Variants in NFKB1 observed in about 807,000 individuals in gnomAD.
The protein encoded by NFKB1 is nuclear factor kappa B subunit 1.
NFKB1 carries 9 observed loss-of-function variants against 105.1 expected under a neutral mutation model. The ratio of observed to expected loss-of-function variants is 0.09; its 90% CI spans 0.05 to 0.15. NFKB1 has a LOEUF of 0.15. NFKB1 is among the 10% of genes least tolerant of loss of function. The pLI is 1.00. For synonymous variants in NFKB1, 440 were observed against 442.2 expected (o/e 1.00, Z 0.06); for missense variants, 830 against 1,203.7 (o/e 0.69, Z 4.59).
intron 1 of NFKB1, among the ~76,000 whole-genome samples, chr4:102,505,588 GA>G (rs1273809784): frequency 6.6e-6 from 1 of 152,088 alleles, no homozygotes; most frequent in East Asian, 1.9e-4. Context: ...GCCTTCAGTA[GA>G]TATCAACAGA....
intron 5 of NFKB1, among the ~76,000 whole-genome samples, chr4:102,551,378 ATGTGTG>A: frequency 1.1e-5 from 1 of 94,600 alleles, no homozygotes; most frequent in African/African-American, 4.0e-5. Flanking sequence ...GCGCGCGCGC[ATGTGTG>A]TGTGTGTGTG....
chr4:102,569,043 G>C (rs4648018), intron 6 of NFKB1, among the ~76,000 whole-genome samples: 6,220 of 152,146 alleles, frequency 0.041, 245 homozygotes, highest in African/African-American at 0.1. Flanking sequence ...CCTATGAAAA[G>C]TCAGTACTCA....
At chr4:102,555,670 C>T (rs1305656611) in intron 5 of NFKB1, among the ~76,000 whole-genome samples, 2 of 152,100 alleles carry the variant, frequency 1.3e-5, no homozygotes, top group Non-Finnish European at 2.9e-5. Flanking sequence ...GAAAAAGCAG[C>T]AAAGGCTCAA....
intron 11 of NFKB1, among the ~76,000 whole-genome samples, chr4:102,588,457 A>T (rs1190716035): frequency 6.6e-6 from 1 of 152,108 alleles, no homozygotes; most frequent in Non-Finnish European, 1.5e-5. Flanking sequence ...AAAAAAATAA[A>T]AAAAAAATAA....
intron 19 of NFKB1, among the ~76,000 whole-genome samples, chr4:102,610,060 T>C (rs941326558): frequency 3.3e-5 from 5 of 152,262 alleles, no homozygotes; most frequent in Non-Finnish European, 5.9e-5. Flanking sequence ...GGTTTGTTTA[T>C]TTAAAGATCA....
At chr4:102,577,534 A>G (rs1156376003) in intron 7 of NFKB1, among the ~76,000 whole-genome samples, 2 of 152,024 alleles carry the variant, frequency 1.3e-5, no homozygotes, top group African/African-American at 4.8e-5. Flanking sequence ...TAAAAATTGT[A>G]TGATTTTCCA....
intron 4 of NFKB1, 156 bp from the exon 5 acceptor site, chr4:102,537,702 A>C: frequency 1.9e-6 from 1 of 513,624 alleles, no homozygotes; most frequent in Non-Finnish European, 3.5e-6. Context: ...GATTACGGGA[A>C]AAGTGATTCT....
chr4:102,528,501 C>T (rs1449327356), intron 2 of NFKB1, among the ~76,000 whole-genome samples: 2 of 151,954 alleles, frequency 1.3e-5, no homozygotes, highest in East Asian at 1.9e-4. Flanking sequence ...CTTCAGTACC[C>T]CAGAACTTTC....
chr4:102,579,833 TG>T (rs1226735514), intron 8 of NFKB1, among the ~76,000 whole-genome samples: 1 of 151,974 alleles, frequency 6.6e-6, no homozygotes, highest in Non-Finnish European at 1.5e-5. Context: ...TTATAGAATT[TG>T]GCCTGTGTGG....
intron 16 of NFKB1, among the ~76,000 whole-genome samples, chr4:102,603,592 C>T (rs1727410279): frequency 6.6e-6 from 1 of 152,104 alleles, no homozygotes; most frequent in Non-Finnish European, 1.5e-5. Context: ...CCCTAGTATG[C>T]CTTCTAGGTG....
At chr4:102,605,678 T>C (rs1280666589) in intron 16 of NFKB1, among the ~76,000 whole-genome samples, 1 of 152,246 alleles carries the variant, frequency 6.6e-6, no homozygotes, top group Non-Finnish European at 1.5e-5. Context: ...AAATGGACTA[T>C]TTAAGTACCT....
intron 2 of NFKB1, among the ~76,000 whole-genome samples, chr4:102,526,363 G>A (rs530863515): frequency 4.3e-4 from 66 of 152,224 alleles, no homozygotes; most frequent in African/African-American, 1.2e-3. Flanking sequence ...AGGGCAGTGG[G>A]ATGGGGGTGG....
chr4:102,504,576 G>C lies in NFKB1; in HGVS notation c.-8+2788G>C, dbSNP rs138352874. 4.1e-4 allele frequency among the ~76,000 whole-genome samples: 63 copies of C among 152,292 alleles called. 1 individual carries two copies. In the East Asian group the frequency reaches 0.012, roughly 28 times the overall value. ...ATGTTCTGCTCCTACATCTACATTTGTGTCTAATCAGCATTAATTGATGAC... is the reference window on the plus strand; with the variant it reads ...ATGTTCTGCTCCTACATCTACATTTCTGTCTAATCAGCATTAATTGATGAC... On this transcript the variant is annotated intron_variant, in intron 1 of 23. Transcript: ENST00000226574.
chr4:102,599,751 AATATTACCTAACTCAT>A (rs1209441806), intron 15 of NFKB1, among the ~76,000 whole-genome samples: 1 of 152,242 alleles, frequency 6.6e-6, no homozygotes, highest in African/African-American at 2.4e-5. Context: ...AAGTGAAGAT[AATATTACCTAACTCAT>A]AGGATTATTG....
At chr4:102,600,563 A>G (rs1727056666) in intron 15 of NFKB1, among the ~76,000 whole-genome samples, 1 of 152,204 alleles carries the variant, frequency 6.6e-6, no homozygotes, top group Non-Finnish European at 1.5e-5. Context: ...AAGCCATGGT[A>G]TAGAGGCAGG....
In NFKB1 at chr4:102,596,244, T is replaced by G; in HGVS notation, c.1407T>G (p.Asp469Glu). The stretch of plus-strand genomic sequence containing the variant: ...AAGTTATTGAAACCACAGAGCAAGA[T>G]CAGGAGCCCAGCGAGGCCACCGTTG... ...FGKVIETTEQ[D>E]QEPSEATVGN... The change falls in exon 14 of 24, where the codon GAT becomes GAG. Residue 469 changes from aspartate (D) to glutamate (E), a missense_variant. Asp to Glu is a conservative substitution (Grantham distance 45, BLOSUM62 2). Coordinates refer to ENST00000226574, the MANE Select transcript of NFKB1 (RefSeq NM_003998.4). 8 of 1,613,746 alleles carry G rather than the reference T, an allele frequency of 5.0e-6. No homozygotes were observed. Among genetic ancestry groups the G allele is most frequent in the Non-Finnish European group, 5.9e-6 (7 of 1,179,736 alleles).
chr4:102,546,648 T>C (rs1455303535), intron 5 of NFKB1, among the ~76,000 whole-genome samples: 5 of 152,188 alleles, frequency 3.3e-5, no homozygotes, highest in Non-Finnish European at 1.5e-5. Context: ...AAATATTTGC[T>C]GACCTAGATA....
chr4:102,598,956 A>G (rs962601616), intron 15 of NFKB1, among the ~76,000 whole-genome samples: 1 of 152,206 alleles, frequency 6.6e-6, no homozygotes, highest in Non-Finnish European at 1.5e-5. Context: ...TCATAAGAGC[A>G]TAGGTATAGG....
rs764897996 is a variant in NFKB1, at chr4:102,606,658, A to G, written c.1915A>G (p.Lys639Glu). ...AGTTCTCAGTATCTTACTCAAGCAC[A>G]AAAAGGCAGCACTACTTCTTGACCA... ...DKVLSILLKH[K>E]KAALLLDHPN... The change falls in exon 17 of 24, where the codon AAA becomes GAA. Residue 639 changes from lysine to glutamate, a missense_variant. Lys to Glu is a moderately conservative substitution (Grantham distance 56). Around this residue, in one of 8 missense-constraint regions of NFKB1, gnomAD observed 418 missense variants for 575.3 expected, o/e 0.73. Coordinates refer to ENST00000226574, the MANE Select transcript of NFKB1 (RefSeq NM_003998.4). The G allele has an allele frequency of 6.2e-7, 1 of 1,614,112 alleles. No individual in the cohort carries two copies. The highest frequency in any genetic ancestry group is 1.3e-5 in the African/African-American group (1 of 74,942).
Sources: gnomAD v4.1 joint callset for allele counts (sites outside exome capture counted in the v4.1 genomes callset) on GRCh38, gnomAD v4.1.1 for gene constraint, gnomAD v4.1.1 regional missense constraint, MANE v1.5 for transcripts, NCBI Gene and HGNC (gene_info 2026-07-23, HGNC 2026-07-21) for gene names.